SYTL3: variants seen among roughly 807,000 people sequenced by gnomAD.
SYTL3 encodes the protein synaptotagmin-like protein 3.
A neutral mutation model predicts 82.1 loss-of-function variants in SYTL3; 88 were observed. The ratio of observed to expected loss-of-function variants is 1.07; its 90% CI spans 0.90 to 1.28. The LOEUF is 1.28. Ranked by LOEUF, SYTL3 falls within the 50% of genes most tolerant of loss-of-function variation. The probability of loss-of-function intolerance (pLI) is 0.00; values close to 1 mark genes in which losing one functional copy is unlikely to be tolerated. For synonymous variants in SYTL3, 311 were observed against 289.4 expected (o/e 1.07, Z -0.76); for missense variants, 831 against 757.6 (o/e 1.10, Z -1.14).
At chr6:158,694,469 A>G (rs1472195520) in intron 6 of SYTL3, among the ~76,000 whole-genome samples, 2 of 151,052 alleles carry the variant, frequency 1.3e-5, no homozygotes, top group African/African-American at 4.9e-5. Context: ...TAGTTTTTCT[A>G]TTTTTAGTAG....
intron 11 of SYTL3, among the ~76,000 whole-genome samples, chr6:158,732,425 C>T (rs992587535): frequency 3.3e-5 from 5 of 152,242 alleles, no homozygotes; most frequent in African/African-American, 9.6e-5. Flanking sequence ...TAAATAAAAG[C>T]GACTGTTACG....
At chr6:158,657,628 A>G (rs1788848764) in intron 2 of SYTL3, among the ~76,000 whole-genome samples, 1 of 152,170 alleles carries the variant, frequency 6.6e-6, no homozygotes, top group African/African-American at 2.4e-5. Context: ...AGGGATAGTG[A>G]ATGATAATAT....
intron 2 of SYTL3, among the ~76,000 whole-genome samples, chr6:158,660,110 C>T (rs1185743894): frequency 6.6e-6 from 1 of 151,984 alleles, no homozygotes; most frequent in Non-Finnish European, 1.5e-5. Flanking sequence ...ACTAAAAATA[C>T]AAAAATTAGC....
intron 13 of SYTL3, among the ~76,000 whole-genome samples, chr6:158,753,077 CTTTTT>C (rs34396644): frequency 1.1e-4 from 11 of 99,100 alleles, no homozygotes; most frequent in South Asian, 6.4e-4. Flanking sequence ...TTCTTCTTTT[CTTTTT>C]TTTTTTTTTT....
intron 6 of SYTL3, among the ~76,000 whole-genome samples, chr6:158,705,064 G>A (rs1781867071): frequency 1.2e-5 from 1 of 84,310 alleles, no homozygotes; most frequent in African/African-American, 9.2e-5. Flanking sequence ...AGGGACCCGG[G>A]GCAGGGTGAC....
At chr6:158,744,988 A>G (rs1046909907) in intron 11 of SYTL3, among the ~76,000 whole-genome samples, 5 of 152,156 alleles carry the variant, frequency 3.3e-5, no homozygotes, top group Non-Finnish European at 7.3e-5. Context: ...ATTCCTCACC[A>G]TAGCCCTGTG....
chr6:158,729,777 A>G (rs1280289061), intron 11 of SYTL3, among the ~76,000 whole-genome samples: 1 of 151,990 alleles, frequency 6.6e-6, no homozygotes, highest in Non-Finnish European at 1.5e-5. Context: ...CGTGTTAGCC[A>G]GGATGGTCTT....
chr6:158,721,742 C>T (rs772527950), intron 10 of SYTL3, among the ~76,000 whole-genome samples: 5 of 152,176 alleles, frequency 3.3e-5, no homozygotes, highest in Non-Finnish European at 7.3e-5. Flanking sequence ...AAGTGATTCT[C>T]ATGCCTCAGC....
intron 6 of SYTL3, among the ~76,000 whole-genome samples, chr6:158,691,182 A>G (rs141111373): frequency 1.6e-4 from 24 of 152,212 alleles, no homozygotes; most frequent in African/African-American, 5.8e-4. Context: ...CGCTGTCTCT[A>G]ATAAAAATAC....
rs985517726 is a variant in SYTL3, at chr6:158,663,069, A to G, written c.-200A>G. 4.2e-6 allele frequency: 2 copies of G among 480,216 alleles called. No individual in the cohort carries two copies. Among genetic ancestry groups the G allele is most frequent in the African/African-American group, 2.0e-5 (1 of 50,528 alleles). 29.7% of individuals were successfully genotyped at this position (480,216 alleles called of 1,614,324 possible). On this transcript the variant is annotated 5_prime_UTR_variant, in exon 4 of 18. The change abolishes the stop of an existing upstream ORF in the 5' untranslated region. Transcript: ENST00000611299. ...ACTCCGACAAACGCAGAACTTCTTG[A>G]GGCTTTCTTCTTCTAAGGAGTATGA... is the stretch of plus-strand genomic sequence containing the variant.
At chr6:158,701,618 C>T (rs1781311606) in intron 6 of SYTL3, among the ~76,000 whole-genome samples, 1 of 150,482 alleles carries the variant, frequency 6.6e-6, no homozygotes, top group Non-Finnish European at 1.5e-5. Context: ...CTCTGTTTGA[C>T]TGGGGCTGAG....
rs766062802 is a variant in SYTL3 at position 158,763,345 on chromosome 6, C to A, written c.1559C>A (p.Ser520Ter). The A allele has an allele frequency of 5.0e-6, 8 of 1,614,068 alleles. No homozygotes were observed. In the Admixed American group the frequency reaches 5.0e-5, roughly 10 times the overall value. ...LPDQQKLRLK[S>*]PVLRKQACPQ... ...GACCAACAAAAACTGAGACTGAAGT[C>A]GCCAGTCCTGAGGAAGCAGGCTTGC... is the stretch of plus-strand genomic sequence containing the variant. The change falls in exon 17 of 18, where the codon TCG (serine) becomes TAG (stop). Residue 520 changes from serine to a stop codon, truncating the protein, a stop_gained. Transcript: ENST00000611299. LOFTEE classifies it high-confidence loss of function.
intron 6 of SYTL3, among the ~76,000 whole-genome samples, chr6:158,706,977 G>C (rs2128453947): frequency 6.6e-6 from 1 of 152,212 alleles, no homozygotes; most frequent in African/African-American, 2.4e-5. Context: ...ATGACTTTAG[G>C]AGAGTACAAT....
chr6:158,687,919 T>A (rs1014713986), intron 6 of SYTL3, among the ~76,000 whole-genome samples: 3 of 152,254 alleles, frequency 2.0e-5, no homozygotes, highest in Non-Finnish European at 4.4e-5. Context: ...CCCAAACTAC[T>A]GTAAATTACA....
chr6:158,690,584 TG>T (rs1191731643), intron 6 of SYTL3, among the ~76,000 whole-genome samples: 1 of 152,160 alleles, frequency 6.6e-6, no homozygotes, highest in Non-Finnish European at 1.5e-5. Flanking sequence ...TGGTAATATG[TG>T]TTGTGCTATT....
chr6:158,747,073 G>T (rs1191516100), intron 12 of SYTL3, among the ~76,000 whole-genome samples: 3 of 152,112 alleles, frequency 2.0e-5, no homozygotes, highest in Non-Finnish European at 4.4e-5. Flanking sequence ...TGCAACCTCT[G>T]CCTCCTGGGT....
intron 5 of SYTL3, among the ~76,000 whole-genome samples, chr6:158,679,162 G>A (rs1778379351): frequency 6.6e-6 from 1 of 152,108 alleles, no homozygotes; most frequent in South Asian, 2.1e-4. Flanking sequence ...TTGAGGCCAG[G>A]AGTTCAAGAC....
intron 9 of SYTL3, among the ~76,000 whole-genome samples, chr6:158,714,866 C>T (rs1268540639): frequency 1.3e-5 from 2 of 152,164 alleles, no homozygotes; most frequent in Non-Finnish European, 2.9e-5. Flanking sequence ...CCTCATGAGC[C>T]CTGTGTCAGC....
intron 6 of SYTL3, among the ~76,000 whole-genome samples, chr6:158,700,680 G>A (rs1377239710): frequency 8.5e-5 from 13 of 152,052 alleles, no homozygotes; most frequent in Admixed American, 7.9e-4. Context: ...GCAGTGGAGC[G>A]ATCTTGGCTC....
Sources: gnomAD v4.1 joint callset for allele counts (sites outside exome capture counted in the v4.1 genomes callset) on GRCh38, gnomAD v4.1.1 for gene constraint, MANE v1.5 for transcripts, NCBI Gene and HGNC (gene_info 2026-07-23, HGNC 2026-07-21) for gene names.